TMEM108: variants seen among roughly 807,000 people sequenced by gnomAD.
The protein encoded by TMEM108 is cancer/testis antigen 124.
In TMEM108, 12 loss-of-function variants were observed where a neutral mutation model predicts 35.1. The observed-to-expected ratio is 0.34, with a 90% CI of 0.22 to 0.55. TMEM108 has a LOEUF of 0.55. Among genes scored for constraint, TMEM108 ranks in the 20% least tolerant of loss-of-function variants. TMEM108 has a pLI of 0.89. For synonymous variants in TMEM108, 287 were observed against 308.6 expected, an observed-to-expected ratio of 0.93 and a Z score of 0.73; for missense variants, 680 against 753.3, an observed-to-expected ratio of 0.90 and a Z score of 1.14.
At chr3:133,114,520 CACTT>C (rs1489537963) in intron 2 of TMEM108, among the ~76,000 whole-genome samples, 4 of 152,070 alleles carry the variant, frequency 2.6e-5, no homozygotes, top group Non-Finnish European at 2.9e-5. Flanking sequence ...GAGTTTTGAC[CACTT>C]ACTTAAGATT....
chr3:133,166,291 A>C (rs551200995), intron 2 of TMEM108, among the ~76,000 whole-genome samples: 2 of 152,358 alleles, frequency 1.3e-5, no homozygotes, highest in South Asian at 4.1e-4. Flanking sequence ...ACAAACCACC[A>C]TGGCACACAT....
In TMEM108 at chr3:133,346,166, A is replaced by G. The variant is rs1489418189; in HGVS notation, c.41-33586A>G. On this transcript the variant is annotated intron_variant, in intron 3 of 5. Transcript: ENST00000321871. This position sits in a 1 kb window ranked among gnomAD's most constrained non-coding sequence, Gnocchi z 4.0. ...TAGGTAAATACCTAGGAGCACAATT[A>G]CTAGATCATACAGTAAGACTATGAT... Among the ~76,000 whole-genome samples the G allele has an allele frequency of 6.6e-6, 1 of 151,992 alleles. No individual in the cohort carries two copies. The highest frequency in any genetic ancestry group is 2.4e-5 in the African/African-American group (1 of 41,456).
chr3:133,230,736 G>A (rs1343486248), intron 3 of TMEM108, among the ~76,000 whole-genome samples: 2 of 152,174 alleles, frequency 1.3e-5, no homozygotes, highest in Admixed American at 1.3e-4. Flanking sequence ...CACCTATGCC[G>A]ATTGTATGCC....
chr3:133,255,534 G>C (rs1946533244), intron 3 of TMEM108, among the ~76,000 whole-genome samples: 1 of 152,190 alleles, frequency 6.6e-6, no homozygotes, highest in Admixed American at 6.5e-5. Flanking sequence ...TTGAGACACA[G>C]AAGCTAGTAT....
chr3:133,089,092 A>G (rs34761172), intron 2 of TMEM108, among the ~76,000 whole-genome samples: 2 of 152,188 alleles, frequency 1.3e-5, no homozygotes, highest in Admixed American at 1.3e-4. Flanking sequence ...AAACAACCAG[A>G]TCTCACAAAA....
At chr3:133,151,806 T>C (rs1476646396) in intron 2 of TMEM108, among the ~76,000 whole-genome samples, 2 of 152,162 alleles carry the variant, frequency 1.3e-5, no homozygotes, top group East Asian at 1.9e-4. Context: ...ATTTGTGGTA[T>C]CTTGTCACTT....
intron 3 of TMEM108, among the ~76,000 whole-genome samples, chr3:133,352,203 A>G (rs77653554): frequency 0.085 from 12,864 of 152,204 alleles, 822 homozygotes; most frequent in Middle Eastern, 0.17. Flanking sequence ...TTGCTGCCAT[A>G]CATGCCCATG....
rs193209424 is a variant in TMEM108 at position 133,124,059 on chromosome 3, A to G, written c.-47+78039A>G. On this transcript the variant is annotated intron_variant, in intron 2 of 5. Transcript: ENST00000321871. The stretch of plus-strand genomic sequence containing the variant: ...AAGCCAAGAGCTCAATAAACTGTTT[A>G]TTCATTGTTCAAGCTTCTCCACCTA... Among the ~76,000 whole-genome samples, 129 of 152,324 alleles carry G rather than the reference A, an allele frequency of 8.5e-4. 1 individual carries two copies. The highest frequency in any genetic ancestry group is 5.9e-3 in the Admixed American group (91 of 15,302).
intron 4 of TMEM108, chr3:133,386,416 TCACA>T (rs1390214596): frequency 6.5e-7 from 1 of 1,536,126 alleles, no homozygotes; most frequent in Non-Finnish European, 8.7e-7. Flanking sequence ...CCATTTCTCA[TCACA>T]CAGCAGATCC....
intron 2 of TMEM108, among the ~76,000 whole-genome samples, chr3:133,214,156 A>T (rs1945872745): frequency 6.6e-6 from 1 of 152,194 alleles, no homozygotes; most frequent in Non-Finnish European, 1.5e-5. Flanking sequence ...AGTGCTTGAC[A>T]TGCCTTGTCT....
intron 2 of TMEM108, among the ~76,000 whole-genome samples, chr3:133,186,433 G>A (rs74664958): frequency 0.013 from 1,991 of 152,320 alleles, 20 homozygotes; most frequent in South Asian, 0.02. Context: ...TCTGAAACGT[G>A]CCTACAAAGC....
At position 133,178,818 on chromosome 3, in the gene TMEM108, T is replaced by A. The variant is rs1452490394; in HGVS notation, c.-46-50448T>A. On this transcript the variant is annotated intron_variant, in intron 2 of 5. Coordinates refer to ENST00000321871, the MANE Select transcript of TMEM108 (RefSeq NM_023943.4). Reference sequence around the variant, plus strand: ...GCCAAAATTGACAGATGGGATCTAATTAAACTAAAGAGCTTCTGCACAGTA... The same window carrying A: ...GCCAAAATTGACAGATGGGATCTAAATAAACTAAAGAGCTTCTGCACAGTA... Among the ~76,000 whole-genome samples, 10 of 152,262 alleles carry A rather than the reference T, an allele frequency of 6.6e-5. No individual in the cohort carries two copies. In the East Asian group the frequency reaches 1.7e-3, roughly 26 times the overall value.
chr3:133,228,089 G>C (rs1946100468), intron 2 of TMEM108, among the ~76,000 whole-genome samples: 1 of 151,914 alleles, frequency 6.6e-6, no homozygotes, highest in African/African-American at 2.4e-5. Flanking sequence ...AAACATTCTG[G>C]AATTAGGTAG....
intron 2 of TMEM108, among the ~76,000 whole-genome samples, chr3:133,141,762 A>G (rs919049104): frequency 6.6e-6 from 1 of 152,326 alleles, no homozygotes; most frequent in African/African-American, 2.4e-5. Flanking sequence ...CTTCATGGTT[A>G]TCATTATTGC....
chr3:133,300,657 C>T (rs1947208782), intron 3 of TMEM108, among the ~76,000 whole-genome samples: 1 of 151,980 alleles, frequency 6.6e-6, no homozygotes, highest in South Asian at 2.1e-4. Flanking sequence ...CCATGGTAGA[C>T]AGGTTTAGTT....
intron 2 of TMEM108, among the ~76,000 whole-genome samples, chr3:133,181,053 C>T (rs1361483387): frequency 6.4e-5 from 8 of 125,114 alleles, no homozygotes; most frequent in East Asian, 2.3e-4. Context: ...ACTCCCAAAG[C>T]GCTTGATTTA....
At chr3:133,348,754 C>T (rs566970993) in intron 3 of TMEM108, among the ~76,000 whole-genome samples, 20 of 152,072 alleles carry the variant, frequency 1.3e-4, no homozygotes, top group African/African-American at 4.3e-4. Flanking sequence ...TCCAACAGTC[C>T]AAGAAATTCG....
chr3:133,055,408 A>G (rs764250924), intron 2 of TMEM108, among the ~76,000 whole-genome samples: 2 of 152,268 alleles, frequency 1.3e-5, no homozygotes, highest in Non-Finnish European at 2.9e-5. Context: ...ATTCTTTAGC[A>G]ACAATAAAGA....
chr3:133,189,860 G>C (rs1311148273), intron 2 of TMEM108, among the ~76,000 whole-genome samples: 1 of 152,088 alleles, frequency 6.6e-6, no homozygotes, highest in Non-Finnish European at 1.5e-5. Context: ...TGAGTTTTTG[G>C]CTTGTATATA....
Sources: gnomAD v4.1 joint callset for allele counts (sites outside exome capture counted in the v4.1 genomes callset) on GRCh38, gnomAD v4.1.1 for gene constraint, Gnocchi (gnomAD v3.1) non-coding constraint, MANE v1.5 for transcripts, NCBI Gene and HGNC (gene_info 2026-07-23, HGNC 2026-07-21) for gene names.